ADGRB3: variants seen among roughly 807,000 people sequenced by gnomAD.
ADGRB3 encodes the protein adhesion G protein-coupled receptor B3, also known as brain-specific angiogenesis inhibitor 3.
In ADGRB3, 37 loss-of-function variants were observed where a neutral mutation model predicts 193.4. That is an observed-to-expected ratio of 0.19 (90% CI 0.15 to 0.25). The LOEUF (loss-of-function observed/expected upper bound fraction) is 0.25. Ranked by LOEUF, ADGRB3 falls within the 10% of genes least tolerant of loss-of-function variation. The pLI is 1.00. For synonymous variants in ADGRB3, 690 were observed against 644.2 expected (o/e 1.07, Z -1.08); for missense variants, 1,637 against 1,852.9 (o/e 0.88, Z 2.14).
At chr6:68,885,029 A>G (rs1355805354) in intron 3 of ADGRB3, among the ~76,000 whole-genome samples, 2 of 152,210 alleles carry the variant, frequency 1.3e-5, no homozygotes, top group African/African-American at 2.4e-5. Context: ...TATTTAAATA[A>G]CAGTTCAATA....
At chr6:69,066,488 T>C (rs1021138624) in intron 16 of ADGRB3, among the ~76,000 whole-genome samples, 3 of 152,022 alleles carry the variant, frequency 2.0e-5, no homozygotes, top group Non-Finnish European at 4.4e-5. Context: ...TTTTAACAAA[T>C]AGCATTTACA....
chr6:68,931,140 A>G (rs541133882), intron 4 of ADGRB3, among the ~76,000 whole-genome samples: 1 of 152,092 alleles, frequency 6.6e-6, no homozygotes, highest in African/African-American at 2.4e-5. Context: ...AAAAAATTTA[A>G]TAATTTTTAT....
intron 16 of ADGRB3, among the ~76,000 whole-genome samples, chr6:69,068,195 C>T (rs773285303): frequency 6.6e-6 from 1 of 152,146 alleles, no homozygotes; most frequent in Non-Finnish European, 1.5e-5. Context: ...TCCTAATCCC[C>T]AGAATCTATG....
chr6:69,220,982 G>T (rs1199894000), intron 17 of ADGRB3, among the ~76,000 whole-genome samples: 1 of 151,890 alleles, frequency 6.6e-6, no homozygotes, highest in Non-Finnish European at 1.5e-5. Flanking sequence ...CTTAATTGGG[G>T]TTGTCGGTGG....
At chr6:69,036,210 G>T (rs966306007) in intron 13 of ADGRB3, among the ~76,000 whole-genome samples, 3 of 152,130 alleles carry the variant, frequency 2.0e-5, no homozygotes, top group Non-Finnish European at 2.9e-5. Context: ...TTAAAGTGAA[G>T]AATAAAAAAG....
chr6:69,169,121 A>T (rs1775205630), intron 17 of ADGRB3, among the ~76,000 whole-genome samples: 1 of 152,116 alleles, frequency 6.6e-6, no homozygotes, highest in Non-Finnish European at 1.5e-5. Flanking sequence ...GCTGCCTGGG[A>T]AACAGATATA....
intron 3 of ADGRB3, among the ~76,000 whole-genome samples, chr6:68,877,957 C>G (rs504160): frequency 0.21 from 32,047 of 151,874 alleles, 3,953 homozygotes; most frequent in East Asian, 0.58. Context: ...ATATGAATAA[C>G]TTCATTAAGA....
intron 3 of ADGRB3, among the ~76,000 whole-genome samples, chr6:68,681,060 A>G (rs1435054535): frequency 2.0e-5 from 3 of 152,052 alleles, no homozygotes; most frequent in Non-Finnish European, 4.4e-5. Context: ...TTCATCATGG[A>G]GGAAGGCTAA....
intron 13 of ADGRB3, among the ~76,000 whole-genome samples, chr6:69,025,020 A>G (rs1312012144): frequency 6.6e-6 from 1 of 151,848 alleles, no homozygotes; most frequent in Non-Finnish European, 1.5e-5. Flanking sequence ...TGAACCCGGC[A>G]GGCTGAGCTT....
At chr6:68,779,932 A>G (rs1161920025) in intron 3 of ADGRB3, among the ~76,000 whole-genome samples, 3 of 152,136 alleles carry the variant, frequency 2.0e-5, no homozygotes, top group Non-Finnish European at 2.9e-5. Context: ...TATCCTACAG[A>G]GAAGTTTCCC....
chr6:69,274,366 T>G (rs1454350843), intron 20 of ADGRB3, among the ~76,000 whole-genome samples: 2 of 152,148 alleles, frequency 1.3e-5, no homozygotes, highest in African/African-American at 4.8e-5. Flanking sequence ...AATGTTAGAG[T>G]TCATTACCGA....
In ADGRB3 at chr6:69,389,076, G is replaced by C. The variant is rs976818001; in HGVS notation, c.*185G>C. On this transcript the variant is annotated 3_prime_UTR_variant, in exon 32 of 32. Transcript: ENST00000370598. Reference sequence around the variant, plus strand: ...CAGGCTAGTGGAGAGATGACCAGGTGTACAGTTCTGACCATCCTGTGTTGT... The same window carrying C: ...CAGGCTAGTGGAGAGATGACCAGGTCTACAGTTCTGACCATCCTGTGTTGT... 7.2e-6 allele frequency: 4 copies of C among 559,214 alleles called. No homozygotes were observed. The highest frequency in any genetic ancestry group is 1.2e-5 in the Non-Finnish European group (4 of 322,874). 34.6% of individuals were successfully genotyped at this position (559,214 alleles called of 1,614,324 possible).
chr6:68,908,356 A>G (rs1204775143), intron 3 of ADGRB3, among the ~76,000 whole-genome samples: 1 of 152,080 alleles, frequency 6.6e-6, no homozygotes, highest in Admixed American at 6.6e-5. Flanking sequence ...CTGAACGCCT[A>G]AGAGCATTTC....
rs1030233629 is a variant in ADGRB3 at position 68,708,378 on chromosome 6, G to A, written c.757+68946G>A. 2.6e-5 allele frequency among the ~76,000 whole-genome samples: 4 copies of A among 152,108 alleles called. No homozygotes were observed. The East Asian group carries it at 7.7e-4, about 29-fold the overall frequency. ...TTCTAAAGACCTCAAAATGTATCTG[G>A]GGTCCTGGACCCTGTGCCTCCCACT... On this transcript the variant is annotated intron_variant, in intron 3 of 31. Coordinates refer to ENST00000370598, the MANE Select transcript of ADGRB3 (RefSeq NM_001704.3).
At chr6:69,003,649 A>G (rs1769651024) in intron 11 of ADGRB3, among the ~76,000 whole-genome samples, 1 of 152,196 alleles carries the variant, frequency 6.6e-6, no homozygotes, top group South Asian at 2.1e-4. Context: ...GCCTAACATA[A>G]CTAGCATCAC....
At chr6:69,209,128 G>A (rs907522836) in intron 17 of ADGRB3, among the ~76,000 whole-genome samples, 2 of 152,160 alleles carry the variant, frequency 1.3e-5, no homozygotes, top group African/African-American at 2.4e-5. Flanking sequence ...CTGCTGGCTC[G>A]TATGGACCAA....
chr6:68,736,740 A>C (rs1765880749), intron 3 of ADGRB3, among the ~76,000 whole-genome samples: 1 of 152,058 alleles, frequency 6.6e-6, no homozygotes, highest in Non-Finnish European at 1.5e-5. Flanking sequence ...GTATCTTACA[A>C]TTTTTCTATG....
chr6:68,758,307 T>C lies in ADGRB3; in HGVS notation c.757+118875T>C, dbSNP rs146593519. Among the ~76,000 whole-genome samples, 607 of 152,164 alleles carry C rather than the reference T, an allele frequency of 4.0e-3. 4 individuals are homozygous for C. Among genetic ancestry groups the C allele is most frequent in the African/African-American group, 0.014 (584 of 41,548 alleles). Reference sequence around the variant, plus strand: ...ACTATCATCCCATCGTCATGGCCATTACCATCACTCACCACCAGAATCATT... The same window carrying C: ...ACTATCATCCCATCGTCATGGCCATCACCATCACTCACCACCAGAATCATT... On this transcript the variant is annotated intron_variant, in intron 3 of 31. Coordinates refer to ENST00000370598, the MANE Select transcript of ADGRB3 (RefSeq NM_001704.3).
chr6:68,865,738 G>C (rs74700352), intron 3 of ADGRB3, among the ~76,000 whole-genome samples: 1,643 of 152,214 alleles, frequency 0.011, 30 homozygotes, highest in African/African-American at 0.038. Context: ...CTGGGTATGT[G>C]TGTGGTTTAG....
Sources: gnomAD v4.1 joint callset for allele counts (sites outside exome capture counted in the v4.1 genomes callset) on GRCh38, gnomAD v4.1.1 for gene constraint, MANE v1.5 for transcripts, NCBI Gene and HGNC (gene_info 2026-07-23, HGNC 2026-07-21) for gene names.